The following DLGAP4 variants were observed in gnomAD, a reference collection of about 807,000 sequenced individuals.
The protein encoded by DLGAP4 is disks large-associated protein 4.
DLGAP4 carries 18 observed loss-of-function variants against 86.9 expected under a neutral mutation model. The observed-to-expected ratio is 0.21, with a 90% CI of 0.14 to 0.31. DLGAP4 has a LOEUF of 0.31. DLGAP4 is among the 10% of genes least tolerant of loss of function. The pLI is 1.00. For synonymous variants in DLGAP4, 548 were observed against 574.3 expected (o/e 0.95, Z 0.65); for missense variants, 1,085 against 1,362.6 (o/e 0.80, Z 3.21).
At chr20:36,419,601 G>A (rs1201687441) in intron 2 of DLGAP4, among the ~76,000 whole-genome samples, 1 of 152,116 alleles carries the variant, frequency 6.6e-6, no homozygotes, top group East Asian at 1.9e-4. Context: ...CTACTTCAGG[G>A]GCTACTGCCA....
chr20:36,329,619 G>A (rs782326722), intron 1 of DLGAP4, among the ~76,000 whole-genome samples: 3 of 152,162 alleles, frequency 2.0e-5, no homozygotes, highest in Middle Eastern at 3.4e-3. Flanking sequence ...AGGCTGAGCC[G>A]GACACAGTGG....
chr20:36,368,406 T>C (rs1209889941), intron 2 of DLGAP4, among the ~76,000 whole-genome samples: 1 of 152,236 alleles, frequency 6.6e-6, no homozygotes, highest in Non-Finnish European at 1.5e-5. Flanking sequence ...TGTAATGGGA[T>C]CTTTTGTTTC....
intron 10 of DLGAP4, chr20:36,507,679 G>A (rs1265221254): frequency 6.6e-6 from 1 of 152,210 alleles, no homozygotes; most frequent in Non-Finnish European, 1.5e-5. Context: ...AAGCAGGAAG[G>A]GCATAACAAG....
intron 3 of DLGAP4, among the ~76,000 whole-genome samples, chr20:36,433,649 CTT>C (rs368854068): frequency 4.2e-5 from 6 of 141,866 alleles, no homozygotes; most frequent in Admixed American, 7.1e-5. Context: ...ATGAGTATTT[CTT>C]TTTTTTTTTT....
chr20:36,517,532 G>T (rs1274316878), intron 10 of DLGAP4, among the ~76,000 whole-genome samples: 1 of 152,066 alleles, frequency 6.6e-6, no homozygotes, highest in Non-Finnish European at 1.5e-5. Context: ...CTCCCAAAGT[G>T]CTGGGATTAC....
chr20:36,513,286 C>T (rs546885653), intron 10 of DLGAP4, among the ~76,000 whole-genome samples: 31 of 151,834 alleles, frequency 2.0e-4, no homozygotes, highest in Non-Finnish European at 3.7e-4. Context: ...CGGTGGCTCA[C>T]GCCTGTAATC....
rs199599437 is a variant in DLGAP4 at position 36,431,935 on chromosome 20, G to A, written c.218G>A (p.Arg73His). Reference protein sequence around the residue: ...QLPPPSSTFPRIHYNSHFEVP... With the variant: ...QLPPPSSTFPHIHYNSHFEVP... Reference sequence around the variant, plus strand: ...CCCCCGCCCAGCAGCACCTTTCCCCGCATCCACTACAACTCCCACTTCGAG... The same window carrying A: ...CCCCCGCCCAGCAGCACCTTTCCCCACATCCACTACAACTCCCACTTCGAG... Residue 73 changes from arginine to histidine, a missense_variant, in exon 3 of 13, where the codon CGC becomes CAC. Around this residue, in one of 2 missense-constraint regions of DLGAP4, gnomAD observed 1,082 missense variants for 1,344.1 expected, o/e 0.81. Coordinates refer to ENST00000339266, the MANE Select transcript of DLGAP4 (RefSeq NM_001365621.2). The surrounding 1 kb of genome is among the most constrained non-coding windows in gnomAD (Gnocchi z 5.1). 69 of 1,613,912 alleles carry A rather than the reference G, an allele frequency of 4.3e-5. No individual in the cohort carries two copies. The highest frequency in any genetic ancestry group is 5.3e-5 in the Non-Finnish European group (62 of 1,180,020).
chr20:36,498,770 C>A (rs2035993919), intron 8 of DLGAP4: 1 of 156,810 alleles, frequency 6.4e-6, no homozygotes, highest in Non-Finnish European at 1.4e-5. Flanking sequence ...TGGGTTTCTC[C>A]CTCATTCTTG....
chr20:36,430,974 A>T (rs2147538017), intron 2 of DLGAP4, among the ~76,000 whole-genome samples: 1 of 133,302 alleles, frequency 7.5e-6, no homozygotes, highest in East Asian at 2.2e-4. Flanking sequence ...AAAAAAAAAA[A>T]GACCTCTCTG....
At chr20:36,487,384 G>T (rs975903828) in intron 7 of DLGAP4, among the ~76,000 whole-genome samples, 1 of 152,314 alleles carries the variant, frequency 6.6e-6, no homozygotes, top group East Asian at 1.9e-4. Flanking sequence ...GGCCAGTCTG[G>T]AGGGACTTCA....
intron 1 of DLGAP4, among the ~76,000 whole-genome samples, chr20:36,353,417 G>A (rs528145009): frequency 7.2e-5 from 11 of 152,336 alleles, no homozygotes; most frequent in Admixed American, 3.3e-4. Flanking sequence ...GCCCAGGTGC[G>A]TCTTCTCCAT....
Position 36,431,757 on chromosome 20 carries a change from G to A in DLGAP4, c.40G>A (p.Asp14Asn), listed in dbSNP as rs575670266. 1.6e-5 allele frequency: 26 copies of A among 1,605,664 alleles called. No individual in the cohort carries two copies. Among genetic ancestry groups the A allele is most frequent in the South Asian group, 7.7e-5 (7 of 90,658 alleles). The change falls in exon 3 of 13, where the codon GAC becomes AAC. Residue 14 changes from aspartate to asparagine, a missense_variant. By Grantham distance (23) the Asp-to-Asn change is conservative. Around this residue, in one of 2 missense-constraint regions of DLGAP4, gnomAD observed 1,082 missense variants for 1,344.1 expected, o/e 0.81. Coordinates refer to ENST00000339266, the MANE Select transcript of DLGAP4 (RefSeq NM_001365621.2). The surrounding 1 kb of genome is among the most constrained non-coding windows in gnomAD (Gnocchi z 5.1). ...TGACAGCCGCCCCCGCCACCTCTCC[G>A]ACAGCCTAGACCCACCCCACGAGCC... is the stretch of plus-strand genomic sequence containing the variant. ...LGDSRPRHLSDSLDPPHEPLF... is the reference protein window; with the variant it reads ...LGDSRPRHLSNSLDPPHEPLF...
chr20:36,494,510 C>G (rs1226971786), intron 7 of DLGAP4, among the ~76,000 whole-genome samples: 3 of 152,172 alleles, frequency 2.0e-5, no homozygotes, highest in African/African-American at 7.2e-5. Context: ...CTCGATTTCC[C>G]TCAATAGTAA....
intron 10 of DLGAP4, among the ~76,000 whole-genome samples, chr20:36,514,381 A>G (rs1272039288): frequency 6.6e-6 from 1 of 152,138 alleles, no homozygotes; most frequent in African/African-American, 2.4e-5. Context: ...AAATGGAGGG[A>G]TGTAGGGTCA....
chr20:36,499,746 T>C, intron 9 of DLGAP4, 70 bp downstream of exon 9: 2 of 1,389,366 alleles, frequency 1.4e-6, no homozygotes, highest in South Asian at 1.2e-5. Context: ...CCTCTCCTGC[T>C]CTCCCTAACC....
At chr20:36,513,576 A>C (rs2036858608) in intron 10 of DLGAP4, among the ~76,000 whole-genome samples, 1 of 151,416 alleles carries the variant, frequency 6.6e-6, no homozygotes, top group African/African-American at 2.4e-5. Flanking sequence ...AAAAAAAAAA[A>C]AAAGAATTAA....
chr20:36,507,743 G>C (rs1169829115), intron 10 of DLGAP4: 1 of 152,246 alleles, frequency 6.6e-6, no homozygotes, highest in African/African-American at 2.4e-5. Flanking sequence ...CACAGATTCT[G>C]TATGTCAGCA....
At chr20:36,457,752 T>C (rs955865857) in intron 7 of DLGAP4, among the ~76,000 whole-genome samples, 1 of 151,778 alleles carries the variant, frequency 6.6e-6, no homozygotes, top group African/African-American at 2.4e-5. Flanking sequence ...CCTGACCTCA[T>C]GATCCGCACA....
chr20:36,455,615 C>T (rs1193641283), intron 7 of DLGAP4, among the ~76,000 whole-genome samples: 1 of 152,086 alleles, frequency 6.6e-6, no homozygotes. Flanking sequence ...CCTGCCCTTC[C>T]CTGGGCCTCA....
Sources: gnomAD v4.1 joint callset for allele counts (sites outside exome capture counted in the v4.1 genomes callset) on GRCh38, gnomAD v4.1.1 for gene constraint, gnomAD v4.1.1 regional missense constraint, Gnocchi (gnomAD v3.1) non-coding constraint, MANE v1.5 for transcripts, NCBI Gene and HGNC (gene_info 2026-07-23, HGNC 2026-07-21) for gene names.